FAF1: variants seen among roughly 807,000 people sequenced by gnomAD.
The protein encoded by FAF1 is Fas associated factor 1.
FAF1 carries 25 observed loss-of-function variants against 92.5 expected under a neutral mutation model. The observed-to-expected ratio is 0.27, with a 90% CI of 0.20 to 0.38. The LOEUF (loss-of-function observed/expected upper bound fraction) is 0.38, where lower values mean the gene tolerates loss of function less well. FAF1 is among the 10% of genes least tolerant of loss of function. The pLI is 1.00. For synonymous variants in FAF1, 234 were observed against 273.2 expected, an observed-to-expected ratio of 0.86 and a Z score of 1.42; for missense variants, 636 against 793.3, an observed-to-expected ratio of 0.80 and a Z score of 2.38.
chr1:50,440,804 T>A lies in FAF1; in HGVS notation c.*636A>T, dbSNP rs2148971419. 6.6e-6 allele frequency: 1 copy of A among 152,340 alleles called. No individual in the cohort carries two copies. Among genetic ancestry groups the A allele is most frequent in the South Asian group, 2.1e-4 (1 of 4,834 alleles). The allele number at this position is 152,340 out of a possible 1,614,324, so 9.4% of individuals were successfully genotyped here. On this transcript the variant is annotated 3_prime_UTR_variant, in exon 19 of 19. Coordinates refer to ENST00000396153, the MANE Select transcript of FAF1 (RefSeq NM_007051.3). ...CTGCAATGGAACAGCAAATACCTCC[T>A]AGGTAGAACCTGGAGACCCAAGGCA...
At chr1:50,769,909 C>T (rs980093440) in intron 4 of FAF1, among the ~76,000 whole-genome samples, 3 of 151,776 alleles carry the variant, frequency 2.0e-5, no homozygotes, top group African/African-American at 7.3e-5. Flanking sequence ...AAATTAGCTG[C>T]GCGTGGTGGC....
rs1334206139 is a variant in FAF1 at position 50,670,310 on chromosome 1, A to G, written c.658-14782T>C. Among the ~76,000 whole-genome samples the G allele has an allele frequency of 1.3e-5, 2 of 151,588 alleles. 1 individual carries two copies. The highest frequency in any genetic ancestry group is 2.9e-5 in the Non-Finnish European group (2 of 67,932). On this transcript the variant is annotated intron_variant, in intron 7 of 18. Coordinates refer to ENST00000396153, the MANE Select transcript of FAF1 (RefSeq NM_007051.3). Reference sequence around the variant, plus strand: ...GCCATGTTGTGCAGGCTGGTCTCGAACTCCTGGATTCAAACAATCTGCCTA... The same window carrying G: ...GCCATGTTGTGCAGGCTGGTCTCGAGCTCCTGGATTCAAACAATCTGCCTA...
chr1:50,500,626 T>A (rs1337180799), intron 15 of FAF1, among the ~76,000 whole-genome samples: 2 of 152,106 alleles, frequency 1.3e-5, no homozygotes, highest in Admixed American at 1.3e-4. Flanking sequence ...CCCAAAAGCA[T>A]GATACATAAA....
intron 13 of FAF1, among the ~76,000 whole-genome samples, chr1:50,552,022 C>G (rs116381848): frequency 1.3e-5 from 2 of 152,092 alleles, no homozygotes; most frequent in Non-Finnish European, 2.9e-5. Context: ...AGGCCAGGTG[C>G]GGTGGCTCAT....
At chr1:50,947,049 A>C (rs1208549471) in intron 1 of FAF1, among the ~76,000 whole-genome samples, 1 of 152,230 alleles carries the variant, frequency 6.6e-6, no homozygotes, top group African/African-American at 2.4e-5. Flanking sequence ...GATCACTGTA[A>C]AGATTAGATG....
intron 3 of FAF1, among the ~76,000 whole-genome samples, chr1:50,799,392 G>C (rs1172690381): frequency 1.3e-5 from 2 of 151,984 alleles, no homozygotes; most frequent in South Asian, 2.1e-4. Flanking sequence ...TCAAAAAAAA[G>C]TTTCTTTCCC....
chr1:50,582,811 C>T, intron 11 of FAF1, 112 bp from the exon 12 acceptor site: 1 of 669,158 alleles, frequency 1.5e-6, no homozygotes, highest in Non-Finnish European at 2.6e-6. Flanking sequence ...CTAGTGCATA[C>T]TAAACATAAA....
At chr1:50,787,003 G>A (rs1557527390) in intron 4 of FAF1, among the ~76,000 whole-genome samples, 1 of 152,112 alleles carries the variant, frequency 6.6e-6, no homozygotes, top group Non-Finnish European at 1.5e-5. Context: ...CCCCTAAAAG[G>A]AAAACAGGGA....
At chr1:50,889,617 T>C (rs1338141367) in intron 1 of FAF1, among the ~76,000 whole-genome samples, 1 of 152,250 alleles carries the variant, frequency 6.6e-6, no homozygotes, top group African/African-American at 2.4e-5. Flanking sequence ...TTCATTTCGT[T>C]ATGTACCCAG....
intron 13 of FAF1, among the ~76,000 whole-genome samples, chr1:50,559,611 C>T (rs1395277244): frequency 6.6e-5 from 10 of 152,176 alleles, no homozygotes; most frequent in African/African-American, 2.4e-4. Context: ...TGGCAGAACG[C>T]AAACCTTGAG....
intron 7 of FAF1, among the ~76,000 whole-genome samples, chr1:50,658,697 T>C (rs1011194047): frequency 9.2e-5 from 14 of 152,326 alleles, no homozygotes; most frequent in African/African-American, 2.6e-4. Context: ...CAACTTGTCA[T>C]AGAATAAACT....
At chr1:50,877,785 T>A (rs1644582417) in intron 1 of FAF1, among the ~76,000 whole-genome samples, 1 of 152,182 alleles carries the variant, frequency 6.6e-6, no homozygotes, top group Admixed American at 6.5e-5. Context: ...AAACGGCTGT[T>A]GTGAAAGTTA....
intron 6 of FAF1, among the ~76,000 whole-genome samples, chr1:50,710,900 C>A (rs1657896210): frequency 6.7e-6 from 1 of 148,330 alleles, no homozygotes; most frequent in African/African-American, 2.5e-5. Context: ...CCGAGCCCGG[C>A]CAAGTGGCAT....
At chr1:50,678,923 T>C (rs1042988297) in intron 7 of FAF1, among the ~76,000 whole-genome samples, 23 of 148,344 alleles carry the variant, frequency 1.6e-4, no homozygotes, top group African/African-American at 5.7e-4. Flanking sequence ...CCATCTCTAC[T>C]AAAAATACAA....
chr1:50,710,086 A>G (rs893639273), intron 6 of FAF1, among the ~76,000 whole-genome samples: 6 of 152,210 alleles, frequency 3.9e-5, no homozygotes, highest in African/African-American at 1.2e-4. Context: ...AGGGCTTCAA[A>G]TGCTAGGCTG....
chr1:50,561,797 C>A (rs1376950139), intron 13 of FAF1, among the ~76,000 whole-genome samples: 3 of 151,756 alleles, frequency 2.0e-5, no homozygotes, highest in Non-Finnish European at 4.4e-5. Context: ...CGCACTCCAG[C>A]CTGGGTGACA....
chr1:50,536,568 A>G (rs941299512), intron 14 of FAF1, among the ~76,000 whole-genome samples: 1 of 152,172 alleles, frequency 6.6e-6, no homozygotes, highest in African/African-American at 2.4e-5. Context: ...GGTTTAGGGA[A>G]CATCTATGGT....
intron 5 of FAF1, among the ~76,000 whole-genome samples, chr1:50,743,391 G>A (rs1018846659): frequency 2.6e-5 from 4 of 152,012 alleles, no homozygotes; most frequent in African/African-American, 7.2e-5. Context: ...ACAGTGGCAC[G>A]ATCTCGGCTC....
At chr1:50,825,727 A>C (rs2124625790) in intron 2 of FAF1, among the ~76,000 whole-genome samples, 1 of 152,324 alleles carries the variant, frequency 6.6e-6, no homozygotes, top group South Asian at 2.1e-4. Context: ...CATTCTTTTC[A>C]TGTGTACAAA....
Sources: gnomAD v4.1 joint callset for allele counts (sites outside exome capture counted in the v4.1 genomes callset) on GRCh38, gnomAD v4.1.1 for gene constraint, MANE v1.5 for transcripts, NCBI Gene and HGNC (gene_info 2026-07-23, HGNC 2026-07-21) for gene names.